The following ST3GAL2 variants were observed in gnomAD, a reference collection of about 807,000 sequenced individuals.
The protein encoded by ST3GAL2 is ST3 beta-galactoside alpha-2,3-sialyltransferase 2.
Under a neutral mutation model 37.5 loss-of-function variants are expected in ST3GAL2, and 16 were observed. That is an observed-to-expected ratio of 0.43 (90% confidence interval 0.29 to 0.65). ST3GAL2 has a LOEUF of 0.65. Ranked by LOEUF, ST3GAL2 falls within the 30% of genes least tolerant of loss-of-function variation. The probability of loss-of-function intolerance (pLI) is 0.17; values close to 1 mark genes in which losing one functional copy is unlikely to be tolerated. For synonymous variants in ST3GAL2, 238 were observed against 202.9 expected (o/e 1.17, Z -1.47); for missense variants, 383 against 487.8 (o/e 0.79, Z 2.02).
chr16:70,417,112 T>G (rs1049253553), intron 1 of ST3GAL2, among the ~76,000 whole-genome samples: 3 of 152,204 alleles, frequency 2.0e-5, no homozygotes, highest in African/African-American at 7.2e-5. Flanking sequence ...GCAATGGGAA[T>G]AGCACCCATC....
chr16:70,403,206 C>T (rs1489620953), intron 1 of ST3GAL2, among the ~76,000 whole-genome samples: 35 of 151,290 alleles, frequency 2.3e-4, no homozygotes, highest in Middle Eastern at 6.8e-3. Flanking sequence ...TTGGAGGGTA[C>T]AAGGAGGGGG....
intron 1 of ST3GAL2, among the ~76,000 whole-genome samples, chr16:70,401,412 T>G (rs144350118): frequency 6.6e-6 from 1 of 151,860 alleles, no homozygotes; most frequent in African/African-American, 2.4e-5. Context: ...AGCAGAGAAG[T>G]AGAGCATCTG....
rs756839850 is a variant in ST3GAL2, at chr16:70,394,965, G to C, written c.533+17C>G. 1 of 1,608,186 alleles carries C rather than the reference G, an allele frequency of 6.2e-7. No homozygotes were observed. Among genetic ancestry groups the C allele is most frequent in the Non-Finnish European group, 8.5e-7 (1 of 1,178,182 alleles). On this transcript the variant is annotated intron_variant, in intron 3 of 6. Transcript: ENST00000342907. The stretch of plus-strand genomic sequence containing the variant: ...AGGCCCATCCTGAGCCCACCCTTGG[G>C]CTCCACAGGGGCTCACCTCATGATG...
At chr16:70,389,203 A>C (rs1367430620) in intron 3 of ST3GAL2, among the ~76,000 whole-genome samples, 4 of 45,064 alleles carry the variant, frequency 8.9e-5, no homozygotes, top group South Asian at 1.3e-3. Flanking sequence ...CCATCTCTAC[A>C]AAAAAAAAAA....
At chr16:70,415,568 C>T (rs1002505180) in intron 1 of ST3GAL2, among the ~76,000 whole-genome samples, 1 of 152,116 alleles carries the variant, frequency 6.6e-6, no homozygotes, top group Non-Finnish European at 1.5e-5. Flanking sequence ...TCTCCTGCCT[C>T]AGCCTCCTGA....
At chr16:70,420,024 C>CCT (rs2047703723) in intron 1 of ST3GAL2, among the ~76,000 whole-genome samples, 2 of 131,540 alleles carry the variant, frequency 1.5e-5, no homozygotes, top group Non-Finnish European at 1.6e-5. Flanking sequence ...CCCCCCTTCC[C>CCT]TTTTTTTTTT....
chr16:70,392,714 G>A (rs753037488), intron 3 of ST3GAL2, among the ~76,000 whole-genome samples: 1 of 152,218 alleles, frequency 6.6e-6, no homozygotes, highest in Non-Finnish European at 1.5e-5. Flanking sequence ...CAGCCCTCCA[G>A]TGGGTCTTGC....
chr16:70,394,211 C>T (rs1188128182), intron 3 of ST3GAL2, among the ~76,000 whole-genome samples: 1 of 152,166 alleles, frequency 6.6e-6, no homozygotes, highest in Non-Finnish European at 1.5e-5. Context: ...AATGAATGAG[C>T]CCTAGAGCAA....
At chr16:70,391,562 C>T (rs1364597720) in intron 3 of ST3GAL2, among the ~76,000 whole-genome samples, 2 of 152,170 alleles carry the variant, frequency 1.3e-5, no homozygotes, top group African/African-American at 2.4e-5. Context: ...CACACTGACA[C>T]AGTCTGTATC....
intron 1 of ST3GAL2, among the ~76,000 whole-genome samples, chr16:70,415,286 C>G (rs1282811105): frequency 2.0e-5 from 3 of 152,148 alleles, no homozygotes; most frequent in Non-Finnish European, 2.9e-5. Context: ...CACAATGCAG[C>G]TGACCCTTAC....
intron 1 of ST3GAL2, among the ~76,000 whole-genome samples, chr16:70,414,297 T>C (rs907690557): frequency 6.6e-6 from 1 of 152,164 alleles, no homozygotes; most frequent in Non-Finnish European, 1.5e-5. Flanking sequence ...AAAGGCCCAA[T>C]TGAAACTGCT....
At chr16:70,430,562 TCTC>T (rs2047782907) in intron 1 of ST3GAL2, among the ~76,000 whole-genome samples, 6 of 152,106 alleles carry the variant, frequency 3.9e-5, no homozygotes, top group Admixed American at 3.9e-4. Flanking sequence ...TCCCCATTCC[TCTC>T]CTCACCATCT....
At chr16:70,435,502 T>G (rs1423117383) in intron 1 of ST3GAL2, among the ~76,000 whole-genome samples, 1 of 151,082 alleles carries the variant, frequency 6.6e-6, no homozygotes, top group Non-Finnish European at 1.5e-5. Flanking sequence ...GGAGGCTGAG[T>G]CAGGAGAATT....
At chr16:70,410,300 G>T (rs2047628645) in intron 1 of ST3GAL2, among the ~76,000 whole-genome samples, 1 of 111,142 alleles carries the variant, frequency 9.0e-6, no homozygotes, top group African/African-American at 3.5e-5. Context: ...ACCCAGGCTG[G>T]AGTGCAGTGG....
At chr16:70,418,133 G>A (rs1026876432) in intron 1 of ST3GAL2, among the ~76,000 whole-genome samples, 9 of 152,158 alleles carry the variant, frequency 5.9e-5, no homozygotes, top group Admixed American at 3.3e-4. Context: ...CACAAGATGC[G>A]TGTGTTCTGC....
At chr16:70,388,224 C>T in intron 4 of ST3GAL2, 143 bp downstream of exon 4, 1 of 981,452 alleles carries the variant, frequency 1.0e-6, no homozygotes, top group Non-Finnish European at 1.5e-6. Context: ...CTTCAGCTCA[C>T]CCACCAACTT....
intron 1 of ST3GAL2, 94 bp from the exon 2 acceptor site, chr16:70,399,627 G>C: frequency 2.5e-6 from 1 of 394,950 alleles, no homozygotes; most frequent in Non-Finnish European, 4.5e-6. Flanking sequence ...GCTAGCAGGA[G>C]AGGAGATGCC....
chr16:70,410,825 T>C (rs1375416107), intron 1 of ST3GAL2, among the ~76,000 whole-genome samples: 2 of 150,712 alleles, frequency 1.3e-5, no homozygotes, highest in African/African-American at 4.9e-5. Context: ...TTTTTTTTTT[T>C]TGTCTCTGTG....
chr16:70,415,287 T>C (rs1348801838), intron 1 of ST3GAL2, among the ~76,000 whole-genome samples: 3 of 152,192 alleles, frequency 2.0e-5, no homozygotes, highest in Non-Finnish European at 4.4e-5. Flanking sequence ...ACAATGCAGC[T>C]GACCCTTACC....
Sources: allele counts gnomAD v4.1 joint callset (sites outside exome capture counted in the v4.1 genomes callset), GRCh38; gene constraint gnomAD v4.1.1; transcripts MANE v1.5; gene names NCBI Gene and HGNC (gene_info 2026-07-23, HGNC 2026-07-21).